The following ZNF236 variants were observed in gnomAD, a reference collection of about 807,000 sequenced individuals.
ZNF236 encodes regulated by glucose.
A neutral mutation model predicts 191.2 loss-of-function variants in ZNF236; 50 were observed. The ratio of observed to expected loss-of-function variants is 0.26; its 90% CI spans 0.21 to 0.33. ZNF236 has a LOEUF of 0.33. ZNF236 is among the 10% of genes least tolerant of loss of function. ZNF236 has a pLI of 1.00. For missense variants in ZNF236, 1,754 were observed against 2,374.5 expected (o/e 0.74, Z 5.43); for synonymous variants, 907 against 928.8 (o/e 0.98, Z 0.43).
At chr18:76,895,785 A>G (rs1373520681) in intron 10 of ZNF236, among the ~76,000 whole-genome samples, 1 of 150,548 alleles carries the variant, frequency 6.6e-6, no homozygotes, top group Admixed American at 6.6e-5. Context: ...AGTACTGCAC[A>G]TAGTACCCAG....
chr18:76,918,111 G>T (rs781337210), intron 19 of ZNF236, among the ~76,000 whole-genome samples: 52 of 152,064 alleles, frequency 3.4e-4, no homozygotes, highest in Non-Finnish European at 6.3e-4. Context: ...TGAGTTGTAA[G>T]TTTTTTTCAG....
intron 1 of ZNF236, among the ~76,000 whole-genome samples, chr18:76,837,442 T>C (rs554990688): frequency 0.016 from 2,256 of 142,774 alleles, 26 homozygotes; most frequent in Non-Finnish European, 0.02. Context: ...TTTTTCTTTT[T>C]TTTTTTTTTT....
At chr18:76,834,984 T>TTG (rs1330974089) in intron 1 of ZNF236, 1 of 173,872 alleles carries the variant, frequency 5.8e-6, no homozygotes, top group Non-Finnish European at 1.2e-5. Flanking sequence ...TTCTGTTTTT[T>TTG]TTTTTTTTTC....
rs929430685 is a variant in ZNF236 at position 76,849,568 on chromosome 18, A to G, written c.98A>G (p.Tyr33Cys). The part of the protein sequence containing the change: ...TLNAENTNYA[Y>C]QVPNFHKCEI... ...AATGCGGAGAACACTAATTATGCCT[A>G]TCAAGTTCCAAACTTCCATAAATGT... The change falls in exon 2 of 31, where the codon TAT (tyrosine) becomes TGT (cysteine). Residue 33 changes from tyrosine (Y) to cysteine (C), a missense_variant. By Grantham distance (194) the Tyr-to-Cys change is radical. This residue lies in a region of ZNF236 where 336 missense variants were observed against 495.1 expected (regional missense o/e 0.68). Transcript: ENST00000320610. 16 of 1,611,944 alleles carry G rather than the reference A, an allele frequency of 9.9e-6. No individual in the cohort carries two copies. Among genetic ancestry groups the G allele is most frequent in the African/African-American group, 6.7e-5 (5 of 74,846 alleles).
At chr18:76,918,373 T>C (rs1340866852) in intron 19 of ZNF236, among the ~76,000 whole-genome samples, 1 of 152,216 alleles carries the variant, frequency 6.6e-6, no homozygotes, top group Non-Finnish European at 1.5e-5. Flanking sequence ...ACTTGTATAC[T>C]TTAAGCCATC....
chr18:76,901,574 A>G (rs935392031), intron 11 of ZNF236, among the ~76,000 whole-genome samples: 2 of 152,164 alleles, frequency 1.3e-5, no homozygotes, highest in East Asian at 1.9e-4. Context: ...CCTGGCCAAC[A>G]TGGCAAAACC....
At chr18:76,954,745 T>C (rs1266461664) in intron 27 of ZNF236, among the ~76,000 whole-genome samples, 1 of 152,202 alleles carries the variant, frequency 6.6e-6, no homozygotes, top group Non-Finnish European at 1.5e-5. Context: ...TATCATATTA[T>C]AGAATAACAC....
chr18:76,942,626 C>T (rs559793774), intron 26 of ZNF236, among the ~76,000 whole-genome samples: 78 of 151,608 alleles, frequency 5.1e-4, no homozygotes, highest in Middle Eastern at 3.4e-3. Flanking sequence ...ATTCTCCTGC[C>T]TCAGCCTCCT....
chr18:76,954,361 G>A (rs1968474824), intron 27 of ZNF236, among the ~76,000 whole-genome samples: 2 of 152,318 alleles, frequency 1.3e-5, no homozygotes, highest in South Asian at 2.1e-4. Flanking sequence ...ATGACTACTG[G>A]TAGATGCTTC....
At chr18:76,826,876 A>G (rs1975034074) in intron 1 of ZNF236, among the ~76,000 whole-genome samples, 1 of 150,610 alleles carries the variant, frequency 6.6e-6, no homozygotes, top group Non-Finnish European at 1.5e-5. Flanking sequence ...TAATTCCTGT[A>G]TTCAACAACT....
intron 13 of ZNF236, among the ~76,000 whole-genome samples, chr18:76,905,886 A>C (rs964131768): frequency 6.6e-6 from 1 of 152,214 alleles, no homozygotes; most frequent in Non-Finnish European, 1.5e-5. Flanking sequence ...CCTAGCTTAT[A>C]TTTTCACATG....
intron 13 of ZNF236, among the ~76,000 whole-genome samples, chr18:76,906,073 A>G (rs1280065688): frequency 2.6e-5 from 4 of 152,312 alleles, no homozygotes; most frequent in Non-Finnish European, 4.4e-5. Flanking sequence ...CACTAGGCCT[A>G]AAGCTGCTGC....
chr18:76,961,703 C>G (rs1968672268), intron 30 of ZNF236, among the ~76,000 whole-genome samples: 1 of 149,840 alleles, frequency 6.7e-6, no homozygotes, highest in Non-Finnish European at 1.5e-5. Flanking sequence ...ATTCCCTGTT[C>G]ACCACATCCA....
At position 76,904,451 on chromosome 18, in the gene ZNF236, G is replaced by A; in HGVS notation, c.1966G>A (p.Asp656Asn). The change falls in exon 12 of 31, where the codon GAT becomes AAT. Residue 656 changes from aspartate to asparagine, a missense_variant. By Grantham distance (23) the Asp-to-Asn change is conservative. Coordinates refer to ENST00000320610, the MANE Select transcript of ZNF236 (RefSeq NM_001306089.2). The stretch of plus-strand genomic sequence containing the variant: ...CAATAATAATTTTGTCAATGAAGCA[G>A]ATAGACCATACAAGTGTTTTTACTG... Reference protein sequence around the residue: ...YFNNNFVNEADRPYKCFYCHR... With the variant: ...YFNNNFVNEANRPYKCFYCHR... The A allele has an allele frequency of 1.2e-6, 2 of 1,611,470 alleles. No homozygotes were observed. The highest frequency in any genetic ancestry group is 8.5e-7 in the Non-Finnish European group (1 of 1,178,914).
rs186565704 is a variant in ZNF236, at chr18:76,959,832, G to A, written c.5242+16G>A. On this transcript the variant is annotated intron_variant, in intron 29 of 30. Transcript: ENST00000320610. ...ATACATACAGGTAACGGGGAAGGAC[G>A]TGCTTTTGTTTCCTTACTCTTTGAA... 128 of 1,611,008 alleles carry A rather than the reference G, an allele frequency of 7.9e-5. No homozygotes were observed. In the African/African-American group the frequency reaches 1.4e-3, roughly 18 times the overall value.
intron 4 of ZNF236, among the ~76,000 whole-genome samples, 169 bp downstream of exon 4, chr18:76,869,032 A>C (rs949527212): frequency 3.3e-5 from 5 of 152,236 alleles, no homozygotes; most frequent in African/African-American, 9.6e-5. Flanking sequence ...GCATCCCTAC[A>C]CATTAATGAA....
chr18:76,926,990 G>A (rs746403249), intron 22 of ZNF236, 47 bp from the exon 23 acceptor site: 106 of 1,566,390 alleles, frequency 6.8e-5, no homozygotes, highest in Non-Finnish European at 7.7e-5. Context: ...TTAGTTTTAA[G>A]AAGCATTCAT....
intron 7 of ZNF236, among the ~76,000 whole-genome samples, chr18:76,879,414 C>G (rs1255660783): frequency 6.6e-6 from 1 of 152,190 alleles, no homozygotes; most frequent in Admixed American, 6.5e-5. Context: ...TTTGTTACAA[C>G]TGGTGAACGA....
Position 76,954,876 on chromosome 18 carries a change from T to C in ZNF236, c.4915-1109T>C, listed in dbSNP as rs1968485411. The stretch of plus-strand genomic sequence containing the variant: ...TGATCTTTTCCTTTGTTCCTTTTTT[T>C]CCCCATTCCATTTTTTAAATTATAG... On this transcript the variant is annotated intron_variant, in intron 27 of 30. Transcript: ENST00000320610. Among the ~76,000 whole-genome samples, 3 of 152,208 alleles carry C rather than the reference T, an allele frequency of 2.0e-5. No individual in the cohort carries two copies. The South Asian group carries it at 6.2e-4, about 31-fold the overall frequency.
Sources: gnomAD v4.1 joint callset for allele counts (sites outside exome capture counted in the v4.1 genomes callset) on GRCh38, gnomAD v4.1.1 for gene constraint, gnomAD v4.1.1 regional missense constraint, MANE v1.5 for transcripts, NCBI Gene and HGNC (gene_info 2026-07-23, HGNC 2026-07-21) for gene names.